COL19A1: variants seen among roughly 807,000 people sequenced by gnomAD.
COL19A1 encodes collagen type XIX alpha 1 chain.
A neutral mutation model predicts 190.2 loss-of-function variants in COL19A1; 159 were observed. The ratio of observed to expected loss-of-function variants is 0.84; its 90% CI spans 0.73 to 0.95. COL19A1 has a LOEUF of 0.95. COL19A1 is among the 40% of genes least tolerant of loss of function. The pLI is 0.00. For synonymous variants in COL19A1, 509 were observed against 458.9 expected (o/e 1.11, Z -1.39); for missense variants, 1,418 against 1,431.9 (o/e 0.99, Z 0.16).
intron 14 of COL19A1, among the ~76,000 whole-genome samples, chr6:70,063,601 A>C (rs1199650846): frequency 6.6e-6 from 1 of 152,216 alleles, no homozygotes; most frequent in African/African-American, 2.4e-5. Context: ...CACATTCAAA[A>C]GCTAGCAGAA....
intron 14 of COL19A1, among the ~76,000 whole-genome samples, chr6:70,045,240 G>A (rs1199229348): frequency 1.3e-5 from 2 of 150,952 alleles, no homozygotes; most frequent in African/African-American, 2.4e-5. Context: ...TTGAAACTGG[G>A]AGGTGGAGGT....
intron 42 of COL19A1, among the ~76,000 whole-genome samples, chr6:70,179,198 C>A (rs1180122501): frequency 6.6e-6 from 1 of 152,184 alleles, no homozygotes; most frequent in Non-Finnish European, 1.5e-5. Flanking sequence ...CGTATCTCTA[C>A]CTATGGAGGG....
chr6:69,940,037 T>A (rs1244888145), intron 9 of COL19A1, among the ~76,000 whole-genome samples: 1 of 151,974 alleles, frequency 6.6e-6, no homozygotes, highest in African/African-American at 2.4e-5. Flanking sequence ...AGGAAGAAAT[T>A]TCATGTGTTG....
At chr6:69,913,264 T>C (rs76294603) in intron 4 of COL19A1, among the ~76,000 whole-genome samples, 1,524 of 152,290 alleles carry the variant, frequency 0.01, 33 homozygotes, top group African/African-American at 0.035. Context: ...ACCTTCAGCT[T>C]TGATGCCAGT....
At chr6:69,908,897 A>G (rs956085661) in intron 4 of COL19A1, among the ~76,000 whole-genome samples, 1 of 152,196 alleles carries the variant, frequency 6.6e-6, no homozygotes, top group African/African-American at 2.4e-5. Context: ...TAAAAGGTAC[A>G]GAAATGTTTT....
At chr6:70,048,778 T>C (rs964959078) in intron 14 of COL19A1, among the ~76,000 whole-genome samples, 3 of 152,158 alleles carry the variant, frequency 2.0e-5, no homozygotes, top group African/African-American at 7.2e-5. Flanking sequence ...CCATTTAATA[T>C]ATCAATATAA....
intron 16 of COL19A1, among the ~76,000 whole-genome samples, chr6:70,110,169 T>C (rs996600947): frequency 2.6e-5 from 4 of 152,164 alleles, no homozygotes; most frequent in African/African-American, 9.6e-5. Flanking sequence ...TTTGATCACT[T>C]GTTAAAATAC....
At chr6:69,894,389 C>A (rs1769572673) in intron 2 of COL19A1, among the ~76,000 whole-genome samples, 1 of 152,190 alleles carries the variant, frequency 6.6e-6, no homozygotes, top group Admixed American at 6.5e-5. Flanking sequence ...ACCCAAAAAG[C>A]AGTTTGTAAC....
At chr6:70,154,195 G>A (rs1474101663) in intron 31 of COL19A1, among the ~76,000 whole-genome samples, 1 of 147,790 alleles carries the variant, frequency 6.8e-6, no homozygotes, top group Non-Finnish European at 1.5e-5. Flanking sequence ...ACTTATGAGT[G>A]AGAACATACG....
At chr6:70,158,590 A>G (rs1278397851) in intron 34 of COL19A1, among the ~76,000 whole-genome samples, 2 of 152,140 alleles carry the variant, frequency 1.3e-5, no homozygotes, top group Middle Eastern at 3.2e-3. Flanking sequence ...AACTTGGAAG[A>G]TGCTAATAGA....
At chr6:70,065,504 C>T (rs1427117155) in intron 14 of COL19A1, among the ~76,000 whole-genome samples, 2 of 152,016 alleles carry the variant, frequency 1.3e-5, no homozygotes, top group Admixed American at 1.3e-4. Context: ...CCATAAAAAC[C>T]CTAGAAGAAA....
At chr6:69,875,726 T>C (rs1046509128) in intron 1 of COL19A1, among the ~76,000 whole-genome samples, 2 of 152,150 alleles carry the variant, frequency 1.3e-5, no homozygotes, top group Non-Finnish European at 2.9e-5. Flanking sequence ...CAATTTGTGG[T>C]TGGAAATCAG....
At chr6:69,983,027 A>C (rs1442302284) in intron 11 of COL19A1, among the ~76,000 whole-genome samples, 1 of 148,968 alleles carries the variant, frequency 6.7e-6, no homozygotes, top group Non-Finnish European at 1.5e-5. Flanking sequence ...TAAATATAAA[A>C]TAAAATCAAC....
Position 70,190,366 on chromosome 6 carries a change from C to T in COL19A1, c.3079C>T (p.Leu1027=). Residue 1027 remains leucine, a synonymous_variant, in exon 48 of 51, where the codon CTA becomes TTA. Coordinates refer to ENST00000620364, the MANE Select transcript of COL19A1 (RefSeq NM_001858.6). ...AAAGAAGTATATTAATCAAGAGGTC[C>T]TAAGGATTTTTGAAGGTTAGATTTT... ...EIKKYINQEV[L]RIFEERMAVF... is the part of the protein sequence containing the mutation. 1 of 1,602,880 alleles carries T rather than the reference C, an allele frequency of 6.2e-7. No individual in the cohort carries two copies. Among genetic ancestry groups the T allele is most frequent in the Non-Finnish European group, 8.5e-7 (1 of 1,173,070 alleles).
At chr6:70,102,906 A>G (rs1251919830) in intron 16 of COL19A1, among the ~76,000 whole-genome samples, 1 of 152,126 alleles carries the variant, frequency 6.6e-6, no homozygotes, top group African/African-American at 2.4e-5. Context: ...AGAAATGTAT[A>G]CTATTGACTG....
chr6:69,920,333 T>G lies in COL19A1; in HGVS notation c.267-7576T>G, dbSNP rs1490336722. 2.0e-5 allele frequency among the ~76,000 whole-genome samples: 3 copies of G among 152,318 alleles called. No individual in the cohort carries two copies. The East Asian group carries it at 5.8e-4, about 29-fold the overall frequency. ...CACTTCCCCGAAGTTTCATATGGTT[T>G]TCTTCCATTTTATGATTAAACAGGG... is the stretch of plus-strand genomic sequence containing the variant. On this transcript the variant is annotated intron_variant, in intron 4 of 50. Coordinates refer to ENST00000620364, the MANE Select transcript of COL19A1 (RefSeq NM_001858.6).
At chr6:69,951,962 A>G (rs1774148519) in intron 9 of COL19A1, among the ~76,000 whole-genome samples, 1 of 151,918 alleles carries the variant, frequency 6.6e-6, no homozygotes, top group Admixed American at 6.6e-5. Flanking sequence ...GATTTCATTT[A>G]CACAGGCAGG....
At chr6:70,021,842 G>C (rs1778431377) in intron 11 of COL19A1, among the ~76,000 whole-genome samples, 1 of 152,130 alleles carries the variant, frequency 6.6e-6, no homozygotes, top group South Asian at 2.1e-4. Context: ...AGTGGCTGCT[G>C]TATCGGACAG....
intron 15 of COL19A1, among the ~76,000 whole-genome samples, chr6:70,099,983 A>G (rs1347179835): frequency 6.6e-6 from 1 of 152,216 alleles, no homozygotes; most frequent in Non-Finnish European, 1.5e-5. Flanking sequence ...TCCTCATCTT[A>G]ACACATGCCA....
Sources: gnomAD v4.1 joint callset for allele counts (sites outside exome capture counted in the v4.1 genomes callset) on GRCh38, gnomAD v4.1.1 for gene constraint, MANE v1.5 for transcripts, NCBI Gene and HGNC (gene_info 2026-07-23, HGNC 2026-07-21) for gene names.